The following PRLR variants were observed in gnomAD, a reference collection of about 807,000 sequenced individuals.
PRLR encodes prolactin receptor.
Under a neutral mutation model 40.2 loss-of-function variants are expected in PRLR, and 13 were observed. That is an observed-to-expected ratio of 0.32 (90% CI 0.21 to 0.51). The LOEUF (loss-of-function observed/expected upper bound fraction) is 0.51. Among genes scored for constraint, PRLR ranks in the 20% least tolerant of loss-of-function variants. PRLR has a pLI of 0.97. For synonymous variants in PRLR, 269 were observed against 278.7 expected (o/e 0.97, Z 0.35); for missense variants, 656 against 747.3 (o/e 0.88, Z 1.42).
intron 1 of PRLR, among the ~76,000 whole-genome samples, chr5:35,170,692 A>T (rs1774973295): frequency 6.6e-6 from 1 of 152,164 alleles, no homozygotes; most frequent in Non-Finnish European, 1.5e-5. Flanking sequence ...AGTCTGGGTG[A>T]CAGAACAAGA....
chr5:35,209,446 TAAAAA>T (rs74383180), intron 1 of PRLR, among the ~76,000 whole-genome samples: 2 of 151,632 alleles, frequency 1.3e-5, no homozygotes, highest in South Asian at 4.2e-4. Flanking sequence ...TCAACAAAAA[TAAAAA>T]AAAGCCTTCA....
rs910114024 is a variant in PRLR at position 35,061,736 on chromosome 5, T to C, written c.*3353A>G. The C allele has an allele frequency of 6.6e-6, 1 of 152,164 alleles. No individual in the cohort carries two copies. Among genetic ancestry groups the C allele is most frequent in the Non-Finnish European group, 1.5e-5 (1 of 68,018 alleles). The allele number at this position is 152,164 out of a possible 1,614,324, so 9.4% of individuals were successfully genotyped here. A position where few individuals can be genotyped will look rare whatever the true frequency, so the allele number is the denominator to read the frequency against. ...GCCTAGATTCAGTTTCCATGCGCCT[T>C]AAAACTTGAATATTTAGGTATTTGT... On this transcript the variant is annotated 3_prime_UTR_variant, in exon 10 of 10. Transcript: ENST00000618457.
At chr5:35,191,938 C>T (rs1264691868) in intron 1 of PRLR, among the ~76,000 whole-genome samples, 1 of 152,174 alleles carries the variant, frequency 6.6e-6, no homozygotes, top group Non-Finnish European at 1.5e-5. Context: ...CTACCCAGAA[C>T]TCTTCTCCTT....
chr5:35,159,754 A>G (rs542810849), intron 1 of PRLR, among the ~76,000 whole-genome samples: 2 of 152,346 alleles, frequency 1.3e-5, no homozygotes, highest in South Asian at 2.1e-4. Flanking sequence ...TATGTTAACA[A>G]GCAAAATTTA....
At position 35,061,261 on chromosome 5, in the gene PRLR, C is replaced by G. The variant is rs573107728; in HGVS notation, c.*3828G>C. 1 of 152,212 alleles carries G rather than the reference C, an allele frequency of 6.6e-6. No homozygotes were observed. The highest frequency in any genetic ancestry group is 2.1e-4 in the South Asian group (1 of 4,828). 9.4% of individuals were successfully genotyped at this position (152,212 alleles called of 1,614,324 possible). ...CAAATCTGTTTCTTTCTTGTCTACT[C>G]TAAGGAGATAGGGAAGTTGCTAAAG... On this transcript the variant is annotated 3_prime_UTR_variant, in exon 10 of 10. Transcript: ENST00000618457.
At chr5:35,203,538 T>G (rs1009454623) in intron 1 of PRLR, among the ~76,000 whole-genome samples, 2 of 152,128 alleles carry the variant, frequency 1.3e-5, no homozygotes, top group Non-Finnish European at 2.9e-5. Context: ...TGCCAGAACT[T>G]TGGACCCAAT....
chr5:35,188,967 C>T (rs181520220), intron 1 of PRLR, among the ~76,000 whole-genome samples: 2 of 152,196 alleles, frequency 1.3e-5, no homozygotes, highest in South Asian at 2.1e-4. Flanking sequence ...GACCTCAGAA[C>T]GTGGTGTTTT....
chr5:35,086,359 C>T lies in PRLR; in HGVS notation c.71-19G>A. 2 of 1,611,962 alleles carry T rather than the reference C, an allele frequency of 1.2e-6. No homozygotes were observed. The highest frequency in any genetic ancestry group is 1.7e-6 in the Non-Finnish European group (2 of 1,179,188). Reference sequence around the variant, plus strand: ...AACTGTCCTAGAAAAAGCCAGAAGCCACTGCATCAATATTGAGGTCCATTT... The same window carrying T: ...AACTGTCCTAGAAAAAGCCAGAAGCTACTGCATCAATATTGAGGTCCATTT... On this transcript the variant is annotated intron_variant, in intron 3 of 9. Transcript: ENST00000618457.
At position 35,089,611 on chromosome 5, in the gene PRLR, T is replaced by A; in HGVS notation, c.10A>T (p.Asn4Tyr). MKENVASATVFTLL... is the reference protein window; with the variant it reads MKEYVASATVFTLL... ...GTGAAAACGGTTGCAGATGCCACATTTTCCTTCATGTTGGCTGCCTTCTCT... is the reference window on the plus strand; with the variant it reads ...GTGAAAACGGTTGCAGATGCCACATATTCCTTCATGTTGGCTGCCTTCTCT... The change falls in exon 3 of 10, where the codon AAT becomes TAT. Residue 4 changes from asparagine to tyrosine, a missense_variant. Physicochemically the swap from Asn to Tyr is moderately radical, Grantham distance 143. Transcript: ENST00000618457. The A allele has an allele frequency of 6.2e-7, 1 of 1,614,070 alleles. No individual in the cohort carries two copies. Among genetic ancestry groups the A allele is most frequent in the South Asian group, 1.1e-5 (1 of 91,078 alleles).
chr5:35,226,032 C>T (rs377371176), intron 1 of PRLR, among the ~76,000 whole-genome samples: 23 of 152,254 alleles, frequency 1.5e-4, no homozygotes, highest in Admixed American at 7.8e-4. Context: ...ATCTGGGGTG[C>T]GTTGTACATT....
intron 1 of PRLR, among the ~76,000 whole-genome samples, chr5:35,137,851 C>T (rs757326524): frequency 6.6e-6 from 1 of 152,194 alleles, no homozygotes; most frequent in Middle Eastern, 3.2e-3. Context: ...AGCAGATTCG[C>T]TTGAACCCGG....
chr5:35,181,992 C>G (rs960960432), intron 1 of PRLR, among the ~76,000 whole-genome samples: 1 of 152,142 alleles, frequency 6.6e-6, no homozygotes, highest in Non-Finnish European at 1.5e-5. Context: ...TGACTACCAA[C>G]TCCCACTGCA....
At chr5:35,086,412 G>C in intron 3 of PRLR, 72 bp from the exon 4 acceptor site, 3 of 1,559,836 alleles carry the variant, frequency 1.9e-6, no homozygotes, top group Non-Finnish European at 2.6e-6. Flanking sequence ...GCTGGTGACA[G>C]AAACAGATTG....
intron 1 of PRLR, among the ~76,000 whole-genome samples, chr5:35,199,045 C>T (rs1312147687): frequency 6.6e-6 from 1 of 152,176 alleles, no homozygotes; most frequent in Non-Finnish European, 1.5e-5. Context: ...AGCAGGGTCC[C>T]TTGGCAGGAA....
chr5:35,068,079 A>G (rs1769488899), intron 9 of PRLR, 137 bp downstream of exon 9: 1 of 749,008 alleles, frequency 1.3e-6, no homozygotes, highest in Non-Finnish European at 2.3e-6. Context: ...GTTAACACAC[A>G]TGCTGACCAG....
At chr5:35,134,164 C>A (rs886246564) in intron 1 of PRLR, among the ~76,000 whole-genome samples, 2 of 151,908 alleles carry the variant, frequency 1.3e-5, no homozygotes, top group Non-Finnish European at 2.9e-5. Flanking sequence ...CATCTGTTCC[C>A]CAAAAACCTA....
intron 5 of PRLR, among the ~76,000 whole-genome samples, chr5:35,077,986 A>G (rs1350733283): frequency 6.6e-6 from 1 of 152,238 alleles, no homozygotes; most frequent in Non-Finnish European, 1.5e-5. Context: ...GGCAGAAAGA[A>G]AGATGTTCTT....
chr5:35,205,921 T>C (rs1440121838), intron 1 of PRLR, among the ~76,000 whole-genome samples: 1 of 152,170 alleles, frequency 6.6e-6, no homozygotes, highest in Non-Finnish European at 1.5e-5. Context: ...TTCAAAAATA[T>C]TGGGTCTAAG....
At chr5:35,153,418 T>C (rs1039300316) in intron 1 of PRLR, among the ~76,000 whole-genome samples, 4 of 152,176 alleles carry the variant, frequency 2.6e-5, no homozygotes, top group Non-Finnish European at 5.9e-5. Context: ...AATCTGCCTG[T>C]CCAGATCTGT....
Sources: gnomAD v4.1 joint callset for allele counts (sites outside exome capture counted in the v4.1 genomes callset) on GRCh38, gnomAD v4.1.1 for gene constraint, MANE v1.5 for transcripts, NCBI Gene and HGNC (gene_info 2026-07-23, HGNC 2026-07-21) for gene names.